TRPC4: variants seen among roughly 807,000 people sequenced by gnomAD.
The protein encoded by TRPC4 is short transient receptor potential channel 4.
A neutral mutation model predicts 99.4 loss-of-function variants in TRPC4; 49 were observed. The observed-to-expected ratio is 0.49, with a 90% CI of 0.39 to 0.63. The LOEUF (loss-of-function observed/expected upper bound fraction) is 0.63, where lower values mean the gene tolerates loss of function less well. Ranked by LOEUF, TRPC4 falls within the 20% of genes least tolerant of loss-of-function variation. TRPC4 has a pLI of 0.00. For missense variants in TRPC4, 898 were observed against 1,152.9 expected (o/e 0.78, Z 3.20); for synonymous variants, 454 against 425.9 (o/e 1.07, Z -0.81).
intron 1 of TRPC4, among the ~76,000 whole-genome samples, chr13:37,825,127 A>T (rs1370906337): frequency 6.6e-6 from 1 of 151,756 alleles, no homozygotes; most frequent in African/African-American, 2.4e-5. Flanking sequence ...TATCCCCTTT[A>T]TCATTTTTTA....
intron 1 of TRPC4, among the ~76,000 whole-genome samples, chr13:37,820,183 A>G (rs377054621): frequency 6.6e-6 from 1 of 152,096 alleles, no homozygotes; most frequent in East Asian, 1.9e-4. Context: ...CATACAAACT[A>G]GAAACCCTAG....
chr13:37,708,625 A>G (rs1954370435), intron 3 of TRPC4, among the ~76,000 whole-genome samples: 1 of 151,232 alleles, frequency 6.6e-6, no homozygotes, highest in African/African-American at 2.4e-5. Flanking sequence ...TTAGAATTTA[A>G]GAACAGTGGG....
At chr13:37,669,062 A>G (rs1952750032) in intron 5 of TRPC4, among the ~76,000 whole-genome samples, 1 of 152,192 alleles carries the variant, frequency 6.6e-6, no homozygotes, top group Non-Finnish European at 1.5e-5. Context: ...GCCCTTTTCT[A>G]GTTAATAAGA....
chr13:37,771,558 A>AGTGT (rs34539317), intron 2 of TRPC4, among the ~76,000 whole-genome samples: 1,806 of 147,488 alleles, frequency 0.012, 14 homozygotes, highest in East Asian at 0.015. Flanking sequence ...AGTGTGCATG[A>AGTGT]GTGTGTGTGT....
intron 1 of TRPC4, among the ~76,000 whole-genome samples, chr13:37,816,281 A>T (rs1010329112): frequency 6.6e-6 from 1 of 151,888 alleles, no homozygotes; most frequent in Non-Finnish European, 1.5e-5. Flanking sequence ...GTTCTTGGAG[A>T]CCTTCAAAGA....
intron 1 of TRPC4, among the ~76,000 whole-genome samples, chr13:37,827,936 T>C (rs1396304749): frequency 2.6e-5 from 4 of 152,180 alleles, no homozygotes; most frequent in Non-Finnish European, 4.4e-5. Flanking sequence ...TCCATGGGCG[T>C]AGGACCCTCC....
chr13:37,763,886 T>G (rs1274356704), intron 2 of TRPC4, among the ~76,000 whole-genome samples: 1 of 151,620 alleles, frequency 6.6e-6, no homozygotes, highest in East Asian at 1.9e-4. Flanking sequence ...AATCCAAGTA[T>G]GGCCATAGTA....
Position 37,692,190 on chromosome 13 carries a change from A to C in TRPC4, c.1043T>G (p.Leu348Arg). The change falls in exon 4 of 11, where the codon CTG becomes CGG. Residue 348 changes from leucine to arginine, a missense_variant. By Grantham distance (102) the Leu-to-Arg change is moderately radical (BLOSUM62 -2). Coordinates refer to ENST00000379705, the MANE Select transcript of TRPC4 (RefSeq NM_016179.4). ...LLFPVFSVCY[L>R]IAPKSPLGLF... The stretch of plus-strand genomic sequence containing the variant: ...TCCAAGTGGGCTTTTGGGAGCTATC[A>C]GGTAGCACACAGAGAAGACAGGAAA... 1 of 1,614,148 alleles carries C rather than the reference A, an allele frequency of 6.2e-7. No individual in the cohort carries two copies. Among genetic ancestry groups the C allele is most frequent in the Admixed American group, 1.7e-5 (1 of 60,024 alleles).
intron 6 of TRPC4, among the ~76,000 whole-genome samples, chr13:37,657,325 A>G (rs575247683): frequency 2.0e-5 from 3 of 152,350 alleles, no homozygotes; most frequent in Non-Finnish European, 1.5e-5. Context: ...CAACAATAAT[A>G]GAGAGAATTC....
chr13:37,702,360 A>G (rs1045056607), intron 3 of TRPC4, among the ~76,000 whole-genome samples: 1 of 152,174 alleles, frequency 6.6e-6, no homozygotes, highest in Non-Finnish European at 1.5e-5. Flanking sequence ...CATAACATCC[A>G]TAGTTACTCA....
At chr13:37,833,243 AT>A (rs2139601899) in intron 1 of TRPC4, among the ~76,000 whole-genome samples, 1 of 152,068 alleles carries the variant, frequency 6.6e-6, no homozygotes, top group African/African-American at 2.4e-5. Context: ...ATTTTCCTGC[AT>A]TATATTTCTA....
chr13:37,776,559 CT>C (rs1258874683), intron 2 of TRPC4, among the ~76,000 whole-genome samples: 7 of 151,866 alleles, frequency 4.6e-5, no homozygotes, highest in African/African-American at 1.7e-4. Context: ...AGGATTTGAC[CT>C]CAAACAGGGT....
chr13:37,805,285 G>A (rs112746156), intron 1 of TRPC4, among the ~76,000 whole-genome samples: 7 of 151,970 alleles, frequency 4.6e-5, no homozygotes, highest in African/African-American at 7.2e-5. Context: ...ATGCAAATAC[G>A]CCACAGACAA....
At chr13:37,827,920 C>T (rs1259096844) in intron 1 of TRPC4, among the ~76,000 whole-genome samples, 13 of 152,222 alleles carry the variant, frequency 8.5e-5, no homozygotes, top group South Asian at 4.1e-4. Context: ...TAGCAATCAG[C>T]GAGACTCCAT....
chr13:37,766,016 A>G lies in TRPC4; in HGVS notation c.378+16940T>C, dbSNP rs192980128. Among the ~76,000 whole-genome samples the G allele has an allele frequency of 2.6e-3, 395 of 151,490 alleles. 1 individual carries two copies. Among genetic ancestry groups the G allele is most frequent in the African/African-American group, 9.0e-3 (373 of 41,448 alleles). Reference sequence around the variant, plus strand: ...CCATTTTTCTTCATTAGGTTTGTTTAAAGCATGCAGCACATGAATTAATGT... The same window carrying G: ...CCATTTTTCTTCATTAGGTTTGTTTGAAGCATGCAGCACATGAATTAATGT... On this transcript the variant is annotated intron_variant, in intron 2 of 10. Coordinates refer to ENST00000379705, the MANE Select transcript of TRPC4 (RefSeq NM_016179.4).
At chr13:37,793,278 A>T (rs1227903869) in intron 1 of TRPC4, among the ~76,000 whole-genome samples, 1 of 152,110 alleles carries the variant, frequency 6.6e-6, no homozygotes, top group Non-Finnish European at 1.5e-5. Flanking sequence ...CATACATAGC[A>T]TTTAAAAATT....
chr13:37,707,677 T>G (rs1197433252), intron 3 of TRPC4, among the ~76,000 whole-genome samples: 1 of 152,118 alleles, frequency 6.6e-6, no homozygotes, highest in Non-Finnish European at 1.5e-5. Context: ...GGCAGTCCTA[T>G]AGACAGTAAT....
intron 4 of TRPC4, among the ~76,000 whole-genome samples, chr13:37,688,091 A>G (rs1337209725): frequency 6.6e-6 from 1 of 152,198 alleles, no homozygotes; most frequent in Admixed American, 6.5e-5. Context: ...GACAGCAAAT[A>G]TGTGCAAGAA....
At chr13:37,742,002 C>G (rs1301585579) in intron 3 of TRPC4, among the ~76,000 whole-genome samples, 1 of 150,618 alleles carries the variant, frequency 6.6e-6, no homozygotes, top group African/African-American at 2.4e-5. Context: ...TATAATAAAC[C>G]ATGTAAACAA....
Sources: allele counts gnomAD v4.1 joint callset (sites outside exome capture counted in the v4.1 genomes callset), GRCh38; gene constraint gnomAD v4.1.1; transcripts MANE v1.5; gene names NCBI Gene and HGNC (gene_info 2026-07-23, HGNC 2026-07-21).